Variants in DUS3L observed in about 807,000 individuals in gnomAD.
DUS3L encodes dihydrouridine synthase 3 like.
In DUS3L, 62 loss-of-function variants were observed where a neutral mutation model predicts 74.6. That is an observed-to-expected ratio of 0.83 (90% CI 0.68 to 1.03). The LOEUF (loss-of-function observed/expected upper bound fraction) is 1.03, where lower values mean the gene tolerates loss of function less well. Among genes scored for constraint, DUS3L ranks in the 50% least tolerant of loss-of-function variants. The probability of loss-of-function intolerance (pLI) is 0.00; values close to 1 mark genes in which losing one functional copy is unlikely to be tolerated. For missense variants in DUS3L, 884 were observed against 924.4 expected, an observed-to-expected ratio of 0.96 and a Z score of 0.57; for synonymous variants, 433 against 395.7, an observed-to-expected ratio of 1.09 and a Z score of -1.12.
intron 10 of DUS3L, 77 bp downstream of exon 10, chr19:5,786,390 G>T: frequency 1.4e-6 from 2 of 1,428,516 alleles, no homozygotes; most frequent in Non-Finnish European, 1.9e-6. Context: ...ACAGAACAGG[G>T]GTGGGTGACG....
chr19:5,788,233 A>ACAG, intron 4 of DUS3L, 57 bp from the exon 5 acceptor site: 1 of 1,609,172 alleles, frequency 6.2e-7, no homozygotes, highest in Non-Finnish European at 8.5e-7. Context: ...ACACACACAC[A>ACAG]CAGCAGAACC....
At chr19:5,785,334 G>A (rs1208360801) in intron 12 of DUS3L, 49 bp downstream of exon 12, 2 of 1,608,648 alleles carry the variant, frequency 1.2e-6, no homozygotes, top group Non-Finnish European at 1.7e-6. Context: ...TACCCTCCGT[G>A]ACCCCGGGCC....
chr19:5,787,120 C>G lies in DUS3L; in HGVS notation c.1330G>C (p.Val444Leu). Residue 444 changes from valine (V) to leucine (L), a missense_variant, in exon 8 of 13, where the codon GTG (valine) becomes CTG (leucine). Transcript: ENST00000309061. ...VKIRTGVQER[V>L]NLAHRLLPEL... ...GGCAGCAGGCGGTGCGCCAGGTTCA[C>G]ACGCTCCTGGACGCCTGTGCGGATC... 3.1e-6 allele frequency: 3 copies of G among 975,476 alleles called. No homozygotes were observed. Among genetic ancestry groups the G allele is most frequent in the Non-Finnish European group, 3.6e-6 (3 of 834,476 alleles). 60.4% of individuals were successfully genotyped at this position (975,476 alleles called of 1,614,324 possible). A position where few individuals can be genotyped will look rare whatever the true frequency, so the allele number is the denominator to read the frequency against.
At chr19:5,790,013 G>A in intron 2 of DUS3L, 34 bp downstream of exon 2, 2 of 1,606,526 alleles carry the variant, frequency 1.2e-6, no homozygotes, top group African/African-American at 1.3e-5. Context: ...GCTCCTGCCT[G>A]CCCCGGCAGG....
Position 5,787,148 on chromosome 19 carries a change from C to A in DUS3L, c.1302G>T (p.Val434=). 1.1e-6 allele frequency: 1 copy of A among 950,392 alleles called. No homozygotes were observed. The highest frequency in any genetic ancestry group is 1.2e-6 in the Non-Finnish European group (1 of 815,952). 58.9% of individuals were successfully genotyped at this position (950,392 alleles called of 1,614,324 possible). Residue 434 remains valine, a synonymous_variant, in exon 8 of 13, where the codon GTG becomes GTT. Transcript: ENST00000309061. ...GCTCCTGGACGCCTGTGCGGATCTT[C>A]ACAGTCAGCGGCACATCCAGCACCT... ...MNQVLDVPLT[V]KIRTGVQERV...
intron 3 of DUS3L, 148 bp downstream of exon 3, chr19:5,789,057 GCA>G (rs2056882693): frequency 8.3e-7 from 1 of 1,205,776 alleles, no homozygotes; most frequent in Non-Finnish European, 1.1e-6. Flanking sequence ...CCAGGACAGA[GCA>G]CAGAGAGGGA....
intron 8 of DUS3L, 70 bp from the exon 9 acceptor site, chr19:5,786,915 C>T: frequency 6.6e-7 from 1 of 1,523,300 alleles, no homozygotes; most frequent in Admixed American, 2.1e-5. Flanking sequence ...ACCAAGAGAG[C>T]CAGGCTGAGA....
chr19:5,786,846 C>G lies in DUS3L; in HGVS notation c.1390-1G>C. On this transcript the variant is annotated splice_acceptor_variant, in intron 8 of 12. Transcript: ENST00000309061. LOFTEE classifies it high-confidence loss of function. The stretch of plus-strand genomic sequence containing the variant: ...GCTGCTCCCGAGAGCGGCCGTGGAG[C>G]TGGGGGAGAAGCCGCCACGCAGGGT... 6.2e-7 allele frequency: 1 copy of G among 1,606,812 alleles called. No individual in the cohort carries two copies. The highest frequency in any genetic ancestry group is 8.5e-7 in the Non-Finnish European group (1 of 1,177,576).
Position 5,785,284 on chromosome 19 carries a change from GAGC to G in DUS3L, c.1881-12_1881-10del. Reference sequence around the variant, plus strand: ...GCCCAAGGAGCATCTCGCTGTGGGAGAGCAGGTGGAAAGCGAGGTCAGGCCCAG... The same window carrying G: ...GCCCAAGGAGCATCTCGCTGTGGGAGAGGTGGAAAGCGAGGTCAGGCCCAG... On this transcript the variant is annotated splice_polypyrimidine_tract_variant and intron_variant, in intron 12 of 12. Transcript: ENST00000309061. The G allele has an allele frequency of 6.2e-7, 1 of 1,611,000 alleles. No homozygotes were observed. The highest frequency in any genetic ancestry group is 1.1e-5 in the South Asian group (1 of 90,648).
Position 5,787,087 on chromosome 19 carries a change from G to T in DUS3L, c.1363C>A (p.Arg455=). The T allele has an allele frequency of 6.8e-7, 1 of 1,480,252 alleles. No individual in the cohort carries two copies. 91.7% of individuals were successfully genotyped at this position (1,480,252 alleles called of 1,614,324 possible). The part of the protein sequence containing the change: ...NLAHRLLPEL[R]DWGVALVTLH... ...GTGACGAGTGCCACGCCCCAGTCCCGCAGCTCGGGCAGCAGGCGGTGCGCC... is the reference window on the plus strand; with the variant it reads ...GTGACGAGTGCCACGCCCCAGTCCCTCAGCTCGGGCAGCAGGCGGTGCGCC... Residue 455 remains arginine, a synonymous_variant, in exon 8 of 13, where the codon CGG becomes AGG. Coordinates refer to ENST00000309061, the MANE Select transcript of DUS3L (RefSeq NM_020175.3).
rs755275019 is a variant in DUS3L at position 5,789,509 on chromosome 19, C to T, written c.598G>A (p.Gly200Arg). 2.5e-6 allele frequency: 4 copies of T among 1,604,700 alleles called. No individual in the cohort carries two copies. Among genetic ancestry groups the T allele is most frequent in the Admixed American group, 3.4e-5 (2 of 59,458 alleles). The change falls in exon 3 of 13, where the codon GGG becomes AGG. Residue 200 changes from glycine to arginine, a missense_variant. Transcript: ENST00000309061. The part of the protein sequence containing the change: ...NLVQEELAAR[G>R]TQPPSIRNGL... Reference sequence around the variant, plus strand: ...TTGCGGATGGACGGGGGCTGGGTCCCGCGGGCCGCCAACTCCTCCTGCACC... The same window carrying T: ...TTGCGGATGGACGGGGGCTGGGTCCTGCGGGCCGCCAACTCCTCCTGCACC...
chr19:5,789,617 G>C lies in DUS3L; in HGVS notation c.490C>G (p.Leu164Val). The C allele has an allele frequency of 6.3e-7, 1 of 1,598,080 alleles. No individual in the cohort carries two copies. The highest frequency in any genetic ancestry group is 8.5e-7 in the Non-Finnish European group (1 of 1,174,096). ...GGGCACCGGCCGAAGGTCTCGAAGA[G>C]CACGCAGCGGGGGCCCAGGTCGGCC... ...KPADLGPRCV[L>V]FETFGRCPYG... Residue 164 changes from leucine to valine, a missense_variant, in exon 3 of 13, where the codon CTC becomes GTC. Leu to Val is a conservative substitution (Grantham distance 32). Transcript: ENST00000309061.
rs2056863096 is a variant in DUS3L, at chr19:5,787,299, G to A, written c.1275C>T (p.Asn425=). The A allele has an allele frequency of 7.9e-7, 1 of 1,260,674 alleles. No individual in the cohort carries two copies. The highest frequency in any genetic ancestry group is 1.0e-6 in the Non-Finnish European group (1 of 961,022). The allele number at this position is 1,260,674 out of a possible 1,614,324, so 78.1% of individuals were successfully genotyped here. The change falls in exon 7 of 13, where the codon AAC becomes AAT. Residue 425 remains asparagine (N), a synonymous_variant. Coordinates refer to ENST00000309061, the MANE Select transcript of DUS3L (RefSeq NM_020175.3). ...GCGAGGATGTGGCTGGCCGTACCTG[G>A]TTCATGCCACGGACGATCTGCTGGA... The part of the protein sequence containing the change: ...TKFQQIVRGM[N]QVLDVPLTVK...
intron 1 of DUS3L, chr19:5,790,676 C>A: frequency 3.7e-6 from 2 of 537,490 alleles, no homozygotes; most frequent in Non-Finnish European, 6.7e-6. Flanking sequence ...CTTCAAACAC[C>A]GCAGGCCCCA....
Position 5,788,480 on chromosome 19 carries a change from G to A in DUS3L, c.901-82C>T, listed in dbSNP as rs2056877220. On this transcript the variant is annotated intron_variant, in intron 3 of 12. Coordinates refer to ENST00000309061, the MANE Select transcript of DUS3L (RefSeq NM_020175.3). ...CCCTGGAGCCTCCCTTCTACCCACA[G>A]TCTAGGACACACTTGGCCCAAATGG... 2.0e-6 allele frequency: 3 copies of A among 1,513,640 alleles called. No homozygotes were observed. The Admixed American group carries it at 5.9e-5, about 30-fold the overall frequency. The allele number at this position is 1,513,640 out of a possible 1,614,324, so 93.8% of individuals were successfully genotyped here.
chr19:5,788,507 C>G, intron 3 of DUS3L, 109 bp from the exon 4 acceptor site: 1 of 1,301,906 alleles, frequency 7.7e-7, no homozygotes, highest in Non-Finnish European at 1.1e-6. Context: ...CCCAAATGGT[C>G]TGGCTCCTTT....
chr19:5,787,193 T>TGGCGGGA (rs766024947), intron 7 of DUS3L, 22 bp from the exon 8 acceptor site: 1 of 824,854 alleles, frequency 1.2e-6, no homozygotes, highest in African/African-American at 2.4e-5. Flanking sequence ...TGGTGGGAGG[T>TGGCGGGA]GGTGGGAGAT....
chr19:5,785,664 C>T lies in DUS3L; in HGVS notation c.1690G>A (p.Asp564Asn). 6.2e-7 allele frequency: 1 copy of T among 1,612,606 alleles called. No homozygotes were observed. The highest frequency in any genetic ancestry group is 8.5e-7 in the Non-Finnish European group (1 of 1,179,856). The stretch of plus-strand genomic sequence containing the variant: ...CGGGTCTTCTCCACGCCCTGCGTGT[C>T]CGAGCCCCAGTGCTCCAGGCCGTAG... ...TNYGLEHWGS[D>N]TQGVEKTRRF... The change falls in exon 11 of 13, where the codon GAC (aspartate) becomes AAC (asparagine). Residue 564 changes from aspartate (D) to asparagine (N), a missense_variant. Transcript: ENST00000309061.
Position 5,790,331 on chromosome 19 carries a change from G to C in DUS3L, c.103C>G (p.Leu35Val), listed in dbSNP as rs1276339831. 3 of 1,613,806 alleles carry C rather than the reference G, an allele frequency of 1.9e-6. No individual in the cohort carries two copies. The highest frequency in any genetic ancestry group is 4.5e-5 in the East Asian group (2 of 44,888). ...RGVAPIKRQYLTTKEQFHQFL... is the reference protein window; with the variant it reads ...RGVAPIKRQYVTTKEQFHQFL... Reference sequence around the variant, plus strand: ...TGGTGAAACTGCTCCTTGGTGGTGAGGTATCTGCCGACAGAAAGGGAAAGG... The same window carrying C: ...TGGTGAAACTGCTCCTTGGTGGTGACGTATCTGCCGACAGAAAGGGAAAGG... The change falls in exon 2 of 13, where the codon CTC (leucine) becomes GTC (valine). Residue 35 changes from leucine (L) to valine (V), a missense_variant. Coordinates refer to ENST00000309061, the MANE Select transcript of DUS3L (RefSeq NM_020175.3).
Sources: gnomAD v4.1 joint callset for allele counts on GRCh38, gnomAD v4.1.1 for gene constraint, MANE v1.5 for transcripts, NCBI Gene and HGNC (gene_info 2026-07-23, HGNC 2026-07-21) for gene names.